CNTNAP3: variants seen among roughly 807,000 people sequenced by gnomAD.
CNTNAP3 encodes contactin-associated protein-like 3.
In CNTNAP3, 36 loss-of-function variants were observed where a neutral mutation model predicts 92.1. The ratio of observed to expected loss-of-function variants is 0.39; its 90% confidence interval spans 0.30 to 0.52. The LOEUF is 0.52. Among genes scored for constraint, CNTNAP3 ranks in the 20% least tolerant of loss-of-function variants. The pLI, the probability that CNTNAP3 is intolerant of heterozygous loss-of-function variation, is 0.76. For synonymous variants in CNTNAP3, 232 were observed against 422.3 expected (o/e 0.55, Z 5.53); for missense variants, 534 against 1,069.6 (o/e 0.50, Z 6.98).
chr9:39,081,657 C>A (rs544357497), intron 21 of CNTNAP3, among the ~76,000 whole-genome samples: 18 of 151,896 alleles, frequency 1.2e-4, no homozygotes, highest in Admixed American at 1.2e-3. Context: ...TGAAGTCATG[C>A]CAAATAGACA....
chr9:39,087,626 A>G (rs1468136364), intron 19 of CNTNAP3, among the ~76,000 whole-genome samples: 1 of 152,094 alleles, frequency 6.6e-6, no homozygotes, highest in Non-Finnish European at 1.5e-5. Flanking sequence ...AGCTGGGACT[A>G]CAGGTGCCCA....
intron 13 of CNTNAP3, among the ~76,000 whole-genome samples, chr9:39,131,734 G>A (rs998586739): frequency 2.0e-5 from 3 of 152,178 alleles, no homozygotes; most frequent in Non-Finnish European, 2.9e-5. Context: ...GCTGAGGCAG[G>A]AGAATCGCTT....
chr9:39,138,765 T>C lies in CNTNAP3; in HGVS notation c.1876+1754A>G, dbSNP rs555983593. On this transcript the variant is annotated intron_variant, in intron 12 of 23. Coordinates refer to ENST00000297668, the MANE Select transcript of CNTNAP3 (RefSeq NM_033655.5). ...CAATTCGTCAATTAAGTTTAGGTTTTCCTACCTTGACAACGGTTTCCCCAA... is the reference window on the plus strand; with the variant it reads ...CAATTCGTCAATTAAGTTTAGGTTTCCCTACCTTGACAACGGTTTCCCCAA... 4.4e-3 allele frequency among the ~76,000 whole-genome samples: 671 copies of C among 152,310 alleles called. 4 individuals are homozygous for C. The highest frequency in any genetic ancestry group is 0.015 in the African/African-American group (643 of 41,562).
chr9:39,226,951 T>C (rs13288819), intron 3 of CNTNAP3, among the ~76,000 whole-genome samples: 193 of 13,206 alleles, frequency 0.015, 77 homozygotes, highest in Admixed American at 0.038. Context: ...TATATATATA[T>C]ACCATATTTT....
rs1210398517 is a variant in CNTNAP3 at position 39,170,453 on chromosome 9, C to T, written c.1333+916G>A. Among the ~76,000 whole-genome samples, 3 of 114,870 alleles carry T rather than the reference C, an allele frequency of 2.6e-5. 1 individual carries two copies. Among genetic ancestry groups the T allele is most frequent in the Non-Finnish European group, 3.2e-5 (2 of 62,130 alleles). The allele number at this position is 114,870 out of a possible 152,430, so 75.4% of individuals were successfully genotyped here. A position where few individuals can be genotyped will look rare whatever the true frequency, so the allele number is the denominator to read the frequency against. The stretch of plus-strand genomic sequence containing the variant: ...TTTTTTTAAAGCCCCCATTTAGTTC[C>T]GATGCCAATTTAGGCACAATGTCAA... On this transcript the variant is annotated intron_variant, in intron 8 of 23. Coordinates refer to ENST00000297668, the MANE Select transcript of CNTNAP3 (RefSeq NM_033655.5).
chr9:39,152,247 A>C (rs539038106), intron 9 of CNTNAP3, among the ~76,000 whole-genome samples: 7 of 128,480 alleles, frequency 5.4e-5, no homozygotes, highest in Admixed American at 4.7e-4. Flanking sequence ...CTGAAGCTTT[A>C]TCTCTTTAAC....
Position 39,133,095 on chromosome 9 carries a change from G to T in CNTNAP3, c.1917C>A (p.Asp639Glu). Reference sequence around the variant, plus strand: ...TGGGGGCACCTCGGAGGGTCACCGCGTCGGGGCCACCGTGCTGCACCACCG... The same window carrying T: ...TGGGGGCACCTCGGAGGGTCACCGCTTCGGGGCCACCGTGCTGCACCACCG... ...AWTVVQHGGPDAVTLRGAPSG... is the reference protein window; with the variant it reads ...AWTVVQHGGPEAVTLRGAPSG... The change falls in exon 13 of 24, where the codon GAC (aspartate) becomes GAA (glutamate). Residue 639 changes from aspartate (D) to glutamate (E), a missense_variant. Coordinates refer to ENST00000297668, the MANE Select transcript of CNTNAP3 (RefSeq NM_033655.5). 2 of 1,572,348 alleles carry T rather than the reference G, an allele frequency of 1.3e-6. No individual in the cohort carries two copies. The highest frequency in any genetic ancestry group is 1.2e-5 in the South Asian group (1 of 86,430).
At chr9:39,082,830 A>T (rs556196402) in intron 21 of CNTNAP3, among the ~76,000 whole-genome samples, 1 of 152,388 alleles carries the variant, frequency 6.6e-6, no homozygotes, top group South Asian at 2.1e-4. Flanking sequence ...CTTCAGGGCC[A>T]AGGGAAAACA....
At chr9:39,148,794 G>C (rs1264758391) in intron 10 of CNTNAP3, among the ~76,000 whole-genome samples, 1 of 152,088 alleles carries the variant, frequency 6.6e-6, no homozygotes, top group Non-Finnish European at 1.5e-5. Context: ...CAAAGAGCTG[G>C]GATTACAGGC....
intron 18 of CNTNAP3, among the ~76,000 whole-genome samples, chr9:39,090,392 C>A (rs1212379647): frequency 2.0e-5 from 3 of 152,132 alleles, no homozygotes; most frequent in Non-Finnish European, 2.9e-5. Flanking sequence ...ACATCGAGGT[C>A]TATTTGGTAC....
intron 18 of CNTNAP3, among the ~76,000 whole-genome samples, chr9:39,091,168 C>CTT (rs1319060417): frequency 3.7e-3 from 433 of 115,994 alleles, no homozygotes; most frequent in African/African-American, 9.0e-3. Flanking sequence ...TGTTTTTCTT[C>CTT]TTCTTTTTTT....
At position 39,135,071 on chromosome 9, in the gene CNTNAP3, C is replaced by T. The variant is rs1191982511; in HGVS notation, c.1877-1936G>A. Among the ~76,000 whole-genome samples, 11 of 152,184 alleles carry T rather than the reference C, an allele frequency of 7.2e-5. No homozygotes were observed. In the South Asian group the frequency reaches 1.7e-3, roughly 23 times the overall value. Reference sequence around the variant, plus strand: ...GTTTTTCTGAAGAGTAGAATAGTAACCAGGGACATTATAGGCTATGCATTT... The same window carrying T: ...GTTTTTCTGAAGAGTAGAATAGTAATCAGGGACATTATAGGCTATGCATTT... On this transcript the variant is annotated intron_variant, in intron 12 of 23. Coordinates refer to ENST00000297668, the MANE Select transcript of CNTNAP3 (RefSeq NM_033655.5).
At chr9:39,105,847 T>C (rs1265387504) in intron 15 of CNTNAP3, among the ~76,000 whole-genome samples, 2 of 145,754 alleles carry the variant, frequency 1.4e-5, no homozygotes, top group African/African-American at 5.0e-5. Flanking sequence ...ATATGTGTAT[T>C]TGTATCTCTC....
In CNTNAP3 at chr9:39,068,338, C is replaced by A. The variant is rs1204571428; in HGVS notation, c.*5552G>T. 2.4e-4 allele frequency among the ~76,000 whole-genome samples: 36 copies of A among 151,872 alleles called. No individual in the cohort carries two copies. In the South Asian group the frequency reaches 5.1e-3, roughly 22 times the overall value. ...GGCTGAGGCAGGAGAATGGCATGAA[C>A]CCTGGAGGCGGAGCTTGCAGTGAGC... On this transcript the variant is annotated 3_prime_UTR_variant, in exon 24 of 24. Coordinates refer to ENST00000297668, the MANE Select transcript of CNTNAP3 (RefSeq NM_033655.5).
At chr9:39,116,767 A>T (rs1252211768) in intron 14 of CNTNAP3, among the ~76,000 whole-genome samples, 1 of 152,136 alleles carries the variant, frequency 6.6e-6, no homozygotes. Context: ...TATAGTATGT[A>T]TTCTATAGAA....
intron 20 of CNTNAP3, chr9:39,086,130 C>T: frequency 2.1e-6 from 1 of 468,448 alleles, no homozygotes; most frequent in South Asian, 2.3e-5. Context: ...TTGTTTTAAA[C>T]TTAAATATGT....
intron 18 of CNTNAP3, among the ~76,000 whole-genome samples, chr9:39,091,238 G>C (rs1826193120): frequency 1.3e-5 from 2 of 150,566 alleles, no homozygotes; most frequent in East Asian, 2.0e-4. Context: ...ATGCTGAATA[G>C]AACTAGTGAG....
At chr9:39,087,056 A>G (rs546693159) in intron 19 of CNTNAP3, among the ~76,000 whole-genome samples, 24 of 152,138 alleles carry the variant, frequency 1.6e-4, no homozygotes, top group Non-Finnish European at 7.4e-5. Flanking sequence ...CAATGATGCT[A>G]TTTGAAAAGT....
intron 12 of CNTNAP3, among the ~76,000 whole-genome samples, chr9:39,137,054 T>C (rs1453711507): frequency 6.6e-6 from 1 of 151,708 alleles, no homozygotes; most frequent in Non-Finnish European, 1.5e-5. Context: ...TCTCAGTCAT[T>C]ATTTCTTCAA....
Sources: gnomAD v4.1 joint callset for allele counts (sites outside exome capture counted in the v4.1 genomes callset) on GRCh38, gnomAD v4.1.1 for gene constraint, MANE v1.5 for transcripts, NCBI Gene and HGNC (gene_info 2026-07-23, HGNC 2026-07-21) for gene names.